Variants in LENG8 observed in about 807,000 individuals in gnomAD.
The protein encoded by LENG8 is leukocyte receptor cluster member 8.
A neutral mutation model predicts 102.1 loss-of-function variants in LENG8; 28 were observed. That is an observed-to-expected ratio of 0.27 (90% CI 0.20 to 0.38). The LOEUF (loss-of-function observed/expected upper bound fraction) is 0.38. Ranked by LOEUF, LENG8 falls within the 10% of genes least tolerant of loss-of-function variation. The pLI is 1.00. For synonymous variants in LENG8, 531 were observed against 456.7 expected (o/e 1.16, Z -2.07); for missense variants, 1,022 against 1,113.9 (o/e 0.92, Z 1.17).
At position 54,457,847 on chromosome 19, in the gene LENG8, C is replaced by T. The variant is rs1376403925; in HGVS notation, c.1832C>T (p.Thr611Met). 10 of 1,613,546 alleles carry T rather than the reference C, an allele frequency of 6.2e-6. No individual in the cohort carries two copies. Among genetic ancestry groups the T allele is most frequent in the Non-Finnish European group, 8.5e-6 (10 of 1,179,548 alleles). ...EQMKSIRQDL[T>M]VQGIRTEFTV... is the part of the protein sequence containing the mutation. ...ATGAAGTCGATCCGGCAGGATCTGACGGTGAGACTCGCGCTGGGAGGGGCC... is the reference window on the plus strand; with the variant it reads ...ATGAAGTCGATCCGGCAGGATCTGATGGTGAGACTCGCGCTGGGAGGGGCC... The change falls in exon 12 of 16, where the codon ACG becomes ATG. Residue 611 changes from threonine to methionine, a missense_variant and splice_region_variant. Transcript: ENST00000326764.
rs899497848 is a variant in LENG8 at position 54,456,848 on chromosome 19, C to T, written c.1658C>T (p.Thr553Ile). 12 of 1,611,080 alleles carry T rather than the reference C, an allele frequency of 7.4e-6. No individual in the cohort carries two copies. The highest frequency in any genetic ancestry group is 1.0e-5 in the Non-Finnish European group (12 of 1,179,824). The change falls in exon 11 of 16, where the codon ACC (threonine) becomes ATC (isoleucine). Residue 553 changes from threonine (T) to isoleucine (I), a missense_variant. Physicochemically the swap from Thr to Ile is moderately conservative, Grantham distance 89 (BLOSUM62 -1). This residue lies in a region of LENG8 where 158 missense variants were observed against 229.0 expected (regional missense o/e 0.69). Coordinates refer to ENST00000326764, the MANE Select transcript of LENG8 (RefSeq NM_052925.4). ...PDWQELQIVGTCPDITKHYLR... is the reference protein window; with the variant it reads ...PDWQELQIVGICPDITKHYLR... The stretch of plus-strand genomic sequence containing the variant: ...TGGCAGGAGCTGCAGATCGTGGGCA[C>T]CTGCCCTGACATCACCAAGCACTAC...
At chr19:54,454,836 G>C in intron 6 of LENG8, 115 bp from the exon 7 acceptor site, 2 of 1,464,946 alleles carry the variant, frequency 1.4e-6, no homozygotes, top group Non-Finnish European at 1.9e-6. Flanking sequence ...ATGTGTGCTG[G>C]AGCCCTCCTC....
intron 8 of LENG8, 47 bp from the exon 9 acceptor site, chr19:54,455,920 C>T (rs1346275224): frequency 6.4e-7 from 1 of 1,571,566 alleles, no homozygotes; most frequent in South Asian, 1.2e-5. Context: ...GGCTGTCCTG[C>T]CAGTGTCTGG....
rs1477632350 is a variant in LENG8 at position 54,454,650 on chromosome 19, A to C, written c.647A>C (p.Lys216Thr). The C allele has an allele frequency of 6.2e-7, 1 of 1,605,624 alleles. No individual in the cohort carries two copies. The highest frequency in any genetic ancestry group is 8.5e-7 in the Non-Finnish European group (1 of 1,177,976). Residue 216 changes from lysine to threonine, a missense_variant, in exon 6 of 16, where the codon AAG (lysine) becomes ACG (threonine). By Grantham distance (78) the Lys-to-Thr change is moderately conservative (BLOSUM62 -1). Coordinates refer to ENST00000326764, the MANE Select transcript of LENG8 (RefSeq NM_052925.4). ...ACCTACACCGAACCTGCCAAGCCCA[A>C]GAAGGGCCAACAGCTGTGGAACCGC... ...PHTYTEPAKPKKGQQLWNRMK... is the reference protein window; with the variant it reads ...PHTYTEPAKPTKGQQLWNRMK...
At chr19:54,454,854 T>G (rs553159460) in intron 6 of LENG8, 97 bp from the exon 7 acceptor site, 1 of 1,518,878 alleles carries the variant, frequency 6.6e-7, no homozygotes, top group Admixed American at 1.9e-5. Flanking sequence ...CTCTAGAACC[T>G]GAGCGCTCCT....
Position 54,456,624 on chromosome 19 carries a change from A to G in LENG8, c.1446-12A>G, listed in dbSNP as rs76543489. 74,272 of 1,603,238 alleles carry G rather than the reference A, an allele frequency of 0.046. 2,575 individuals carry two copies. The highest frequency in any genetic ancestry group is 0.17 in the African/African-American group (13,056 of 74,690). ...ACGCCTGTCGCGCTCACTGCCCCTC[A>G]TCCCTTCCTAGGCACGATCTGGCGC... On this transcript the variant is annotated splice_polypyrimidine_tract_variant and intron_variant, in intron 10 of 15. Transcript: ENST00000326764.
chr19:54,455,501 T>TGCTGCAGGCGCG lies in LENG8; in HGVS notation c.968_979dup (p.Ala323_Gln326dup). ...CGCACGGAAAAGCTGCTCAAGGAGG[T>TGCTGCAGGCGCG]GCTGCAGGCGCGGCTGCAGGACGGC... is the stretch of plus-strand genomic sequence containing the variant. On this transcript the variant is annotated inframe_insertion, in exon 8 of 16. Transcript: ENST00000326764. The TGCTGCAGGCGCG allele has an allele frequency of 6.2e-7, 1 of 1,613,744 alleles. No homozygotes were observed. The highest frequency in any genetic ancestry group is 8.5e-7 in the Non-Finnish European group (1 of 1,179,970).
Position 54,461,924 on chromosome 19 carries a change from C to G in LENG8, c.*996C>G. The G allele has an allele frequency of 1.1e-6, 1 of 920,110 alleles. No homozygotes were observed. The highest frequency in any genetic ancestry group is 1.8e-6 in the Non-Finnish European group (1 of 551,472). The allele number at this position is 920,110 out of a possible 1,614,324, so 57.0% of individuals were successfully genotyped here. Reference sequence around the variant, plus strand: ...CCTCTGCCTCCCCTTCCCCTCCTCTCCCCTCCTTTTCCTTCCTTCCTTCCT... The same window carrying G: ...CCTCTGCCTCCCCTTCCCCTCCTCTGCCCTCCTTTTCCTTCCTTCCTTCCT... On this transcript the variant is annotated 3_prime_UTR_variant, in exon 16 of 16. Transcript: ENST00000326764.
rs114820624 is a variant in LENG8, at chr19:54,451,506, G to A, written c.38+124G>A. Reference sequence around the variant, plus strand: ...GGTGATGCCACAATCCCTGTGGGTGGGGGTGGTGGTGAGGCAAACACAGAG... The same window carrying A: ...GGTGATGCCACAATCCCTGTGGGTGAGGGTGGTGGTGAGGCAAACACAGAG... On this transcript the variant is annotated intron_variant, in intron 2 of 15. Transcript: ENST00000326764. 1.3e-4 allele frequency: 129 copies of A among 988,518 alleles called. No individual in the cohort carries two copies. In the African/African-American group the frequency reaches 1.7e-3, roughly 13 times the overall value. The allele number at this position is 988,518 out of a possible 1,614,324, so 61.2% of individuals were successfully genotyped here.
intron 15 of LENG8, 41 bp from the exon 16 acceptor site, chr19:54,460,719 GCCCTCC>G: frequency 1.3e-6 from 1 of 778,888 alleles, no homozygotes; most frequent in Non-Finnish European, 1.8e-6. Flanking sequence ...GCCCTCCCCT[GCCCTCC>G]CGCCCGCCCG....
chr19:54,458,956 C>G (rs2123192662), intron 15 of LENG8: 1 of 1,488,530 alleles, frequency 6.7e-7, no homozygotes, highest in Non-Finnish European at 8.9e-7. Context: ...CAGTCCCACT[C>G]AGCTCCTTTG....
At chr19:54,460,588 C>G (rs1432074794) in intron 15 of LENG8, 178 bp from the exon 16 acceptor site, 9 of 1,411,648 alleles carry the variant, frequency 6.4e-6, no homozygotes, top group Non-Finnish European at 8.3e-6. Context: ...GTCACTAACC[C>G]CCCCCGGGCC....
Position 54,461,558 on chromosome 19 carries a change from G to A in LENG8, c.*630G>A, listed in dbSNP as rs1464728217. 8.5e-6 allele frequency: 4 copies of A among 472,058 alleles called. No individual in the cohort carries two copies. The highest frequency in any genetic ancestry group is 3.1e-5 in the South Asian group (2 of 64,574). 29.2% of individuals were successfully genotyped at this position (472,058 alleles called of 1,614,324 possible). A position where few individuals can be genotyped will look rare whatever the true frequency, so the allele number is the denominator to read the frequency against. The stretch of plus-strand genomic sequence containing the variant: ...GAGGACACGCCGGCCGGGCCGCCTC[G>A]TCTCAAGTTGTATAAAGTTGTCTCC... On this transcript the variant is annotated 3_prime_UTR_variant, in exon 16 of 16. Coordinates refer to ENST00000326764, the MANE Select transcript of LENG8 (RefSeq NM_052925.4).
At chr19:54,460,421 G>T in intron 15 of LENG8, 1 of 1,248,828 alleles carries the variant, frequency 8.0e-7, no homozygotes, top group Non-Finnish European at 1.0e-6. Flanking sequence ...GGCCCTGGCA[G>T]CCCCGCCATC....
Position 54,457,755 on chromosome 19 carries a change from A to G in LENG8, c.1740A>G (p.Lys580=), listed in dbSNP as rs746289944. The change falls in exon 12 of 16, where the codon AAA becomes AAG. Residue 580 remains lysine (K), a synonymous_variant. Coordinates refer to ENST00000326764, the MANE Select transcript of LENG8 (RefSeq NM_052925.4). ...TCAGTTCCCTTTTTCAGGTTTTGAA[A>G]AAGTCGCTGTGCATGGTCAAGTGCC... ...PSTVRPVAVL[K]KSLCMVKCHW... The G allele has an allele frequency of 1.9e-6, 3 of 1,613,806 alleles. No homozygotes were observed. Among genetic ancestry groups the G allele is most frequent in the South Asian group, 1.1e-5 (1 of 91,078 alleles).
chr19:54,455,986 G>T lies in LENG8; in HGVS notation c.1045G>T (p.Ala349Ser). 1.2e-6 allele frequency: 2 copies of T among 1,612,728 alleles called. No individual in the cohort carries two copies. The highest frequency in any genetic ancestry group is 1.7e-6 in the Non-Finnish European group (2 of 1,179,734). The change falls in exon 9 of 16, where the codon GCT becomes TCT. Residue 349 changes from alanine (A) to serine (S), a missense_variant. Physicochemically the swap from Ala to Ser is moderately conservative, Grantham distance 99 (BLOSUM62 1). Coordinates refer to ENST00000326764, the MANE Select transcript of LENG8 (RefSeq NM_052925.4). ...TCTCAGGCTGACCCGGGAGCCTGTG[G>T]CTGAGAGCCCTAAGAAGAAGCGGTG... is the stretch of plus-strand genomic sequence containing the variant. ...PLPGLTREPVAESPKKKRWEA... is the reference protein window; with the variant it reads ...PLPGLTREPVSESPKKKRWEA...
rs2084573791 is a variant in LENG8 at position 54,461,735 on chromosome 19, C to T, written c.*807C>T. ...TGGATCACCAGCTCACGTCATGTTG[C>T]CTTCTCTTTTCTTTGTGTGTGTGTT... On this transcript the variant is annotated 3_prime_UTR_variant, in exon 16 of 16. Coordinates refer to ENST00000326764, the MANE Select transcript of LENG8 (RefSeq NM_052925.4). The T allele has an allele frequency of 3.9e-6, 2 of 515,338 alleles. No individual in the cohort carries two copies. The highest frequency in any genetic ancestry group is 3.1e-5 in the South Asian group (2 of 64,884). The allele number at this position is 515,338 out of a possible 1,614,324, so 31.9% of individuals were successfully genotyped here.
At chr19:54,455,171 C>A in intron 7 of LENG8, 79 bp downstream of exon 7, 1 of 1,586,252 alleles carries the variant, frequency 6.3e-7, no homozygotes, top group South Asian at 1.1e-5. Context: ...TGGCCAGCTG[C>A]CCACCCTGAG....
chr19:54,452,711 C>G lies in LENG8; in HGVS notation c.274C>G (p.Gln92Glu), dbSNP rs1196418610. 1 of 1,613,928 alleles carries G rather than the reference C, an allele frequency of 6.2e-7. No individual in the cohort carries two copies. Among genetic ancestry groups the G allele is most frequent in the Non-Finnish European group, 8.5e-7 (1 of 1,179,800 alleles). Residue 92 changes from glutamine to glutamate, a missense_variant, in exon 4 of 16, where the codon CAG becomes GAG. Coordinates refer to ENST00000326764, the MANE Select transcript of LENG8 (RefSeq NM_052925.4). ...QQQQYYQWYQ[Q>E]YNYAYPYSYY... ...GCAGCAGTACTACCAGTGGTACCAG[C>G]AGTACAACTATGCCTACCCCTACAG...
Sources: allele counts gnomAD v4.1 joint callset, GRCh38; gene constraint gnomAD v4.1.1; regional missense constraint gnomAD v4.1.1; transcripts MANE v1.5; gene names NCBI Gene and HGNC (gene_info 2026-07-23, HGNC 2026-07-21).